ZFYVE16: variants seen among roughly 807,000 people sequenced by gnomAD.
ZFYVE16 encodes the protein zinc finger FYVE-type containing 16, also known as zinc finger FYVE domain-containing protein 16.
In ZFYVE16, 89 loss-of-function variants were observed where a neutral mutation model predicts 138.1. That is an observed-to-expected ratio of 0.64 (90% confidence interval 0.54 to 0.77). The LOEUF is 0.77. Among genes scored for constraint, ZFYVE16 ranks in the 30% least tolerant of loss-of-function variants. ZFYVE16 has a pLI of 0.00. For missense variants in ZFYVE16, 1,793 were observed against 1,786.7 expected, an observed-to-expected ratio of 1.00 and a Z score of -0.06; for synonymous variants, 596 against 618.3, an observed-to-expected ratio of 0.96 and a Z score of 0.53.
intron 11 of ZFYVE16, 49 bp downstream of exon 11, chr5:80,451,758 A>AT (rs1213016416): frequency 6.7e-7 from 1 of 1,483,694 alleles, no homozygotes; most frequent in Non-Finnish European, 9.3e-7. Flanking sequence ...AATATACTGA[A>AT]TGTAAAGACT....
Position 80,477,420 on chromosome 5 carries a change from AAACT to A in ZFYVE16, c.*48_*51del, listed in dbSNP as rs781718378. On this transcript the variant is annotated 3_prime_UTR_variant, in exon 19 of 19. Coordinates refer to ENST00000505560, the MANE Select transcript of ZFYVE16 (RefSeq NM_001284236.3). ...TTACATATTGCAACCTAATTTGTTA[AAACT>A]AACTCCAGCACTAAAGCTGAAATGC... 2.1e-5 allele frequency: 33 copies of A among 1,561,956 alleles called. No homozygotes were observed. Among genetic ancestry groups the A allele is most frequent in the Admixed American group, 2.0e-5 (1 of 51,280 alleles).
intron 1 of ZFYVE16, among the ~76,000 whole-genome samples, chr5:80,414,064 G>T (rs1745851409): frequency 6.6e-6 from 1 of 151,974 alleles, no homozygotes. Flanking sequence ...GTAAGTGTGA[G>T]GTTATTTCCT....
rs558930583 is a variant in ZFYVE16, at chr5:80,443,662, T to C, written c.2581+378T>C. 258 of 452,874 alleles carry C rather than the reference T, an allele frequency of 5.7e-4. 2 individuals carry two copies. Among genetic ancestry groups the C allele is most frequent in the African/African-American group, 4.9e-3 (243 of 50,074 alleles). 28.1% of individuals were successfully genotyped at this position (452,874 alleles called of 1,614,324 possible). A position where few individuals can be genotyped will look rare whatever the true frequency, so the allele number is the denominator to read the frequency against. On this transcript the variant is annotated intron_variant, in intron 6 of 18. Transcript: ENST00000505560. Reference sequence around the variant, plus strand: ...AGATGACTAAAGTAGACCTCCAGATTTGATGTTAGGAGTACTGAAAATCAT... The same window carrying C: ...AGATGACTAAAGTAGACCTCCAGATCTGATGTTAGGAGTACTGAAAATCAT...
At position 80,446,240 on chromosome 5, in the gene ZFYVE16, C is replaced by T. The variant is rs1310946494; in HGVS notation, c.2724+835C>T. ...AATGTCAGTTTAAGAGACTGGTTCT[C>T]ACACTTTCAGCTTCAGGACCCCTTT... On this transcript the variant is annotated intron_variant, in intron 7 of 18. Coordinates refer to ENST00000505560, the MANE Select transcript of ZFYVE16 (RefSeq NM_001284236.3). Among the ~76,000 whole-genome samples, 7 of 152,060 alleles carry T rather than the reference C, an allele frequency of 4.6e-5. No individual in the cohort carries two copies. The East Asian group carries it at 1.2e-3, about 25-fold the overall frequency.
At position 80,463,957 on chromosome 5, in the gene ZFYVE16, G is replaced by A. The variant is rs12515437; in HGVS notation, c.4024+4463G>A. Among the ~76,000 whole-genome samples, 1,259 of 152,222 alleles carry A rather than the reference G, an allele frequency of 8.3e-3. 7 individuals carry two copies. The highest frequency in any genetic ancestry group is 0.017 in the Middle Eastern group (5 of 294). On this transcript the variant is annotated intron_variant, in intron 15 of 18. Coordinates refer to ENST00000505560, the MANE Select transcript of ZFYVE16 (RefSeq NM_001284236.3). ...CAACAAGTTCCTCATCTCCATCTGA[G>A]ATCACCTCAGCCTGGACTTCATTGT...
chr5:80,466,263 T>C (rs1288003934), intron 15 of ZFYVE16, among the ~76,000 whole-genome samples: 1 of 152,174 alleles, frequency 6.6e-6, no homozygotes, highest in Non-Finnish European at 1.5e-5. Context: ...CCCACACGTC[T>C]CTGAGGGTCT....
chr5:80,445,207 TTAAA>T, intron 6 of ZFYVE16, 52 bp from the exon 7 acceptor site: 1 of 1,574,810 alleles, frequency 6.3e-7, no homozygotes, highest in Non-Finnish European at 8.6e-7. Context: ...CTTTTTGGCA[TTAAA>T]TCATTGCCAT....
At chr5:80,427,775 C>T (rs1171222284) in intron 2 of ZFYVE16, among the ~76,000 whole-genome samples, 1 of 150,610 alleles carries the variant, frequency 6.6e-6, no homozygotes, top group East Asian at 1.9e-4. Flanking sequence ...ATCGAGACAG[C>T]CTGGCCAAAA....
chr5:80,420,018 G>A (rs1343569261), intron 1 of ZFYVE16, among the ~76,000 whole-genome samples: 2 of 151,172 alleles, frequency 1.3e-5, no homozygotes, highest in East Asian at 3.9e-4. Context: ...CACCATGTTG[G>A]TCAAGCTGGT....
intron 1 of ZFYVE16, among the ~76,000 whole-genome samples, chr5:80,413,502 AAAC>A (rs1182122020): frequency 1.3e-5 from 2 of 151,584 alleles, no homozygotes; most frequent in Non-Finnish European, 2.9e-5. Flanking sequence ...AAAAAGAGAA[AAAC>A]AACAATCTTC....
chr5:80,462,913 C>G (rs2112504986), intron 15 of ZFYVE16, among the ~76,000 whole-genome samples: 1 of 152,324 alleles, frequency 6.6e-6, no homozygotes, highest in South Asian at 2.1e-4. Context: ...GAAATGATCT[C>G]CTTTGACTCC....
Position 80,416,180 on chromosome 5 carries a change from C to T in ZFYVE16, c.-94+8027C>T, listed in dbSNP as rs141193802. 4.0e-5 allele frequency among the ~76,000 whole-genome samples: 6 copies of T among 148,858 alleles called. No individual in the cohort carries two copies. In the East Asian group the frequency reaches 7.8e-4, roughly 19 times the overall value. On this transcript the variant is annotated intron_variant, in intron 1 of 18. Transcript: ENST00000505560. ...TTTGGATTTTTTTTTTATTTTTTTG[C>T]GTGGGAGATTTGTCTTTTCCCCAAT...
intron 2 of ZFYVE16, among the ~76,000 whole-genome samples, chr5:80,428,153 G>A (rs950568474): frequency 6.6e-6 from 1 of 152,038 alleles, no homozygotes; most frequent in African/African-American, 2.4e-5. Context: ...CGGACAGACT[G>A]TCTCCTCAAG....
intron 15 of ZFYVE16, among the ~76,000 whole-genome samples, chr5:80,468,863 T>C (rs1465039998): frequency 1.3e-5 from 2 of 152,140 alleles, no homozygotes; most frequent in African/African-American, 4.8e-5. Context: ...GTAATTTTGC[T>C]TTTTTCTTTG....
chr5:80,434,293 AT>A lies in ZFYVE16; in HGVS notation c.70+77del, dbSNP rs1288222053. 19 of 1,439,770 alleles carry A rather than the reference AT, an allele frequency of 1.3e-5. No individual in the cohort carries two copies. In the Admixed American group the frequency reaches 3.0e-4, roughly 23 times the overall value. 89.2% of individuals were successfully genotyped at this position (1,439,770 alleles called of 1,614,324 possible). Reference sequence around the variant, plus strand: ...ATTAAGTTATCTCAGGTATACAGTAATATTAGCAAAATTTTCTTTCAATTTT... The same window carrying A: ...ATTAAGTTATCTCAGGTATACAGTAAATTAGCAAAATTTTCTTTCAATTTT... On this transcript the variant is annotated intron_variant, in intron 3 of 18. Transcript: ENST00000505560.
intron 11 of ZFYVE16, among the ~76,000 whole-genome samples, chr5:80,453,753 A>T (rs1752225497): frequency 6.6e-6 from 1 of 152,192 alleles, no homozygotes; most frequent in Admixed American, 6.5e-5. Context: ...TGTACATTTG[A>T]AAAAGCTAAT....
intron 2 of ZFYVE16, among the ~76,000 whole-genome samples, chr5:80,432,126 A>G (rs1162395656): frequency 6.6e-6 from 1 of 152,196 alleles, no homozygotes; most frequent in Non-Finnish European, 1.5e-5. Context: ...CGCATTGCCA[A>G]GTCGATCCTA....
intron 5 of ZFYVE16, 173 bp from the exon 6 acceptor site, chr5:80,442,950 A>C: frequency 1.8e-6 from 1 of 567,754 alleles, no homozygotes; most frequent in South Asian, 2.9e-5. Context: ...CCAACTAAAG[A>C]GCCTGTGCTG....
At chr5:80,433,138 A>G (rs1039394171) in intron 2 of ZFYVE16, among the ~76,000 whole-genome samples, 1 of 152,158 alleles carries the variant, frequency 6.6e-6, no homozygotes, top group African/African-American at 2.4e-5. Context: ...ACATGCACAC[A>G]TATGTTTATT....
Sources: gnomAD v4.1 joint callset for allele counts (sites outside exome capture counted in the v4.1 genomes callset) on GRCh38, gnomAD v4.1.1 for gene constraint, MANE v1.5 for transcripts, NCBI Gene and HGNC (gene_info 2026-07-23, HGNC 2026-07-21) for gene names.